Variants in PID1 observed in about 807,000 individuals in gnomAD.
PID1 encodes phosphotyrosine interaction domain containing 1, also known as PTB-containing, cubilin and LRP1-interacting protein.
Under a neutral mutation model 19.1 loss-of-function variants are expected in PID1, and 10 were observed. The observed-to-expected ratio is 0.52, with a 90% confidence interval of 0.32 to 0.89. PID1 has a LOEUF of 0.89. Among genes scored for constraint, PID1 ranks in the 40% least tolerant of loss-of-function variants. The probability of loss-of-function intolerance (pLI) is 0.03; values close to 1 mark genes in which losing one functional copy is unlikely to be tolerated. For missense variants in PID1, 248 were observed against 285.3 expected (o/e 0.87, Z 0.94); for synonymous variants, 130 against 116.0 (o/e 1.12, Z -0.78).
At chr2:229,093,711 T>C (rs529677469) in intron 2 of PID1, among the ~76,000 whole-genome samples, 3 of 152,140 alleles carry the variant, frequency 2.0e-5, no homozygotes, top group African/African-American at 7.2e-5. Context: ...TACCATCATC[T>C]CAATAGATGC....
At chr2:229,077,564 A>C (rs1347303939) in intron 2 of PID1, among the ~76,000 whole-genome samples, 1 of 152,158 alleles carries the variant, frequency 6.6e-6, no homozygotes, top group African/African-American at 2.4e-5. Context: ...TTTTTGTATA[A>C]GGTGTAAGGA....
At chr2:229,173,564 G>A (rs1251338884) in intron 1 of PID1, among the ~76,000 whole-genome samples, 5 of 152,186 alleles carry the variant, frequency 3.3e-5, no homozygotes, top group Admixed American at 2.6e-4. Flanking sequence ...AGTATGCAGT[G>A]TTGAATAAGA....
chr2:229,270,862 G>A (rs1690716575), intron 1 of PID1, 152 bp downstream of exon 1: 5 of 629,846 alleles, frequency 7.9e-6, no homozygotes, highest in Non-Finnish European at 1.3e-5. Flanking sequence ...GGTTCCTGGC[G>A]CTGGGTAAAC....
rs182462219 is a variant in PID1, at chr2:229,044,217, T to A, written c.178-18109A>T. On this transcript the variant is annotated intron_variant, in intron 2 of 2. Transcript: ENST00000392055. ...CTTCTGTTGGGCTGGTGTACCTGGG[T>A]GTTCCTGCTTTCCCCCATCACCTGA... 4.5e-4 allele frequency among the ~76,000 whole-genome samples: 69 copies of A among 152,192 alleles called. No homozygotes were observed. The East Asian group carries it at 0.013, about 28-fold the overall frequency.
chr2:229,218,800 C>T (rs1691903131), intron 1 of PID1, among the ~76,000 whole-genome samples: 1 of 152,112 alleles, frequency 6.6e-6, no homozygotes, highest in South Asian at 2.1e-4. Flanking sequence ...AAACAGAAGA[C>T]AAGTAGCAGG....
At chr2:229,051,752 C>T (rs1381459826) in intron 2 of PID1, among the ~76,000 whole-genome samples, 1 of 152,190 alleles carries the variant, frequency 6.6e-6, no homozygotes, top group Non-Finnish European at 1.5e-5. Flanking sequence ...GTCAGCATCA[C>T]GTCTGCCTCA....
intron 2 of PID1, among the ~76,000 whole-genome samples, chr2:229,134,233 T>TTTTTTTTTTTTTTTTTTTTTTTTTTTG (rs1689810287): frequency 6.7e-5 from 1 of 14,852 alleles, no homozygotes; most frequent in African/African-American, 1.6e-4. Flanking sequence ...CTACCTGTGT[T>TTTTTTTTTTTTTTTTTTTTTTTTTTTG]TTTTTTTTTT....
chr2:229,052,981 T>C (rs1472026828), intron 2 of PID1, among the ~76,000 whole-genome samples: 2 of 152,196 alleles, frequency 1.3e-5, no homozygotes, highest in Non-Finnish European at 2.9e-5. Context: ...GTACAATTAT[T>C]ATGAAAGCTG....
Position 229,025,766 on chromosome 2 carries a change from C to G in PID1, c.520G>C (p.Glu174Gln). Residue 174 changes from glutamate (E) to glutamine (Q), a missense_variant, in exon 3 of 3, where the codon GAG (glutamate) becomes CAG (glutamine). Physicochemically the swap from Glu to Gln is conservative, Grantham distance 29. Coordinates refer to ENST00000392055, the MANE Select transcript of PID1 (RefSeq NM_001100818.2). ...CHAVECESKL[E>Q]AKKLAHAMME... ...ATGGCGTGGGCCAGTTTCTTGGCCT[C>G]GAGCTTGCTCTCGCACTCCACGGCG... is the stretch of plus-strand genomic sequence containing the variant. 1 of 1,614,232 alleles carries G rather than the reference C, an allele frequency of 6.2e-7. No individual in the cohort carries two copies. Among genetic ancestry groups the G allele is most frequent in the Non-Finnish European group, 8.5e-7 (1 of 1,180,038 alleles).
rs372461386 is a variant in PID1, at chr2:229,031,430, G to A, written c.178-5322C>T. ...AAATTAGCTGGGTGTGGTGGTGCAC[G>A]CCTGTAGTCCCAGCTACTCAGGAGG... is the stretch of plus-strand genomic sequence containing the variant. On this transcript the variant is annotated intron_variant, in intron 2 of 2. Transcript: ENST00000392055. Among the ~76,000 whole-genome samples, 70 of 151,462 alleles carry A rather than the reference G, an allele frequency of 4.6e-4. No individual in the cohort carries two copies. In the South Asian group the frequency reaches 5.4e-3, roughly 12 times the overall value.
chr2:229,155,908 A>G lies in PID1; in HGVS notation c.87T>C (p.Pro29=). 6.2e-7 allele frequency: 1 copy of G among 1,613,914 alleles called. No homozygotes were observed. The highest frequency in any genetic ancestry group is 8.5e-7 in the Non-Finnish European group (1 of 1,179,958). The change falls in exon 2 of 3, where the codon CCT becomes CCC. Residue 29 remains proline, a synonymous_variant. Transcript: ENST00000392055. ...KLNVLTLKKE[P]LPAVIFHEPE... is the part of the protein sequence containing the mutation. ...GCTCATGGAAGATGACCGCTGGGAG[A>G]GGTTCCTTTTTCAGTGTTAAGACAT...
intron 1 of PID1, among the ~76,000 whole-genome samples, chr2:229,222,010 C>T (rs1303702751): frequency 6.6e-6 from 1 of 152,258 alleles, no homozygotes; most frequent in Non-Finnish European, 1.5e-5. Flanking sequence ...TAGACCATTA[C>T]AAAGTCCTCC....
intron 1 of PID1, among the ~76,000 whole-genome samples, chr2:229,195,479 C>G (rs902915959): frequency 5.9e-5 from 9 of 151,744 alleles, no homozygotes; most frequent in African/African-American, 1.9e-4. Context: ...TCATATTTTT[C>G]CATTCATATT....
intron 2 of PID1, among the ~76,000 whole-genome samples, chr2:229,057,846 T>G (rs1341946921): frequency 6.6e-6 from 1 of 152,198 alleles, no homozygotes; most frequent in Non-Finnish European, 1.5e-5. Flanking sequence ...GGACACAGCA[T>G]TCTACCTCCA....
rs66662808 is a variant in PID1 at position 229,184,983 on chromosome 2, C to CTATATATATACTA, written c.31-29020_31-29019insTAGTATATATATA. Reference sequence around the variant, plus strand: ...ATCCCATATATATACTATATATATACTATATATATCCCATATATATACACT... The same window carrying CTATATATATACTA: ...ATCCCATATATATACTATATATATACTATATATATACTATATATATATCCCATATATATACACT... On this transcript the variant is annotated intron_variant, in intron 1 of 2. Coordinates refer to ENST00000392055, the MANE Select transcript of PID1 (RefSeq NM_001100818.2). Among the ~76,000 whole-genome samples, 39 of 138,938 alleles carry CTATATATATACTA rather than the reference C, an allele frequency of 2.8e-4. No individual in the cohort carries two copies. The Admixed American group carries it at 2.9e-3, about 10-fold the overall frequency. The allele number at this position is 138,938 out of a possible 152,430, so 91.1% of individuals were successfully genotyped here.
intron 1 of PID1, among the ~76,000 whole-genome samples, chr2:229,199,558 C>T (rs1297975743): frequency 6.6e-6 from 1 of 151,734 alleles, no homozygotes; most frequent in East Asian, 1.9e-4. Flanking sequence ...ATAATAAGAA[C>T]ACACATAAAA....
At chr2:229,179,588 A>C (rs751647156) in intron 1 of PID1, among the ~76,000 whole-genome samples, 2 of 152,178 alleles carry the variant, frequency 1.3e-5, no homozygotes, top group Non-Finnish European at 2.9e-5. Flanking sequence ...GTAAGACTGA[A>C]CCATTTTCAT....
chr2:229,241,081 T>C lies in PID1; in HGVS notation c.30+29933A>G, dbSNP rs371641949. Among the ~76,000 whole-genome samples, 13 of 152,302 alleles carry C rather than the reference T, an allele frequency of 8.5e-5. No individual in the cohort carries two copies. The East Asian group carries it at 1.5e-3, about 18-fold the overall frequency. On this transcript the variant is annotated intron_variant, in intron 1 of 2. Transcript: ENST00000392055. ...TTTTGTAAACTTTTCATTACTCATT[T>C]GAGATTTTCCATTTGTTCACTCCTT...
intron 1 of PID1, among the ~76,000 whole-genome samples, chr2:229,249,447 T>C (rs1411858411): frequency 6.6e-6 from 1 of 152,170 alleles, no homozygotes; most frequent in Non-Finnish European, 1.5e-5. Flanking sequence ...AAAATATCAT[T>C]AGTTTATTGA....
Sources: gnomAD v4.1 joint callset for allele counts (sites outside exome capture counted in the v4.1 genomes callset) on GRCh38, gnomAD v4.1.1 for gene constraint, MANE v1.5 for transcripts, NCBI Gene and HGNC (gene_info 2026-07-23, HGNC 2026-07-21) for gene names.